GPSM2: variants seen among roughly 807,000 people sequenced by gnomAD.
GPSM2 encodes the protein G protein-signaling modulator 2.
Under a neutral mutation model 78.4 loss-of-function variants are expected in GPSM2, and 58 were observed. The ratio of observed to expected loss-of-function variants is 0.74; its 90% CI spans 0.60 to 0.92. GPSM2 has a LOEUF of 0.92. Among genes scored for constraint, GPSM2 ranks in the 40% least tolerant of loss-of-function variants. The pLI is 0.00. For missense variants in GPSM2, 700 were observed against 815.5 expected, an observed-to-expected ratio of 0.86 and a Z score of 1.73; for synonymous variants, 224 against 280.2, an observed-to-expected ratio of 0.80 and a Z score of 2.00.
chr1:108,906,649 A>AG (rs1649252939), intron 10 of GPSM2, among the ~76,000 whole-genome samples: 1 of 150,976 alleles, frequency 6.6e-6, no homozygotes, highest in Non-Finnish European at 1.5e-5. Flanking sequence ...AGGCTGAGGC[A>AG]GGTGGATCAC....
rs377081328 is a variant in GPSM2 at position 108,928,229 on chromosome 1, T to C, written c.1816-1472T>C. Reference sequence around the variant, plus strand: ...AACAAAAACCAACCTGATTCAAAAATGGGCAAAGAACTGGAAGAGGCATTT... The same window carrying C: ...AACAAAAACCAACCTGATTCAAAAACGGGCAAAGAACTGGAAGAGGCATTT... On this transcript the variant is annotated intron_variant, in intron 14 of 14. Coordinates refer to ENST00000264126, the MANE Select transcript of GPSM2 (RefSeq NM_013296.5). Among the ~76,000 whole-genome samples, 39 of 152,298 alleles carry C rather than the reference T, an allele frequency of 2.6e-4. No homozygotes were observed. In the South Asian group the frequency reaches 8.1e-3, roughly 32 times the overall value.
chr1:108,914,721 C>A (rs938898883), intron 11 of GPSM2, among the ~76,000 whole-genome samples: 1 of 152,124 alleles, frequency 6.6e-6, no homozygotes, highest in Non-Finnish European at 1.5e-5. Context: ...GCTAGAAATA[C>A]TTTATATACC....
At chr1:108,888,099 G>T (rs532782805) in intron 2 of GPSM2, among the ~76,000 whole-genome samples, 1 of 152,326 alleles carries the variant, frequency 6.6e-6, no homozygotes, top group South Asian at 2.1e-4. Context: ...ACCCAGGCTG[G>T]AGTGCAGTGG....
In GPSM2 at chr1:108,922,416, G is replaced by A. The variant is rs747302854; in HGVS notation, c.1441-1G>A. The stretch of plus-strand genomic sequence containing the variant: ...AACTAGACTTCCTCTCAATATTTTA[G>A]AAAATCAGTGCAGATACTATTGGAG... On this transcript the variant is annotated splice_acceptor_variant, in intron 12 of 14. Coordinates refer to ENST00000264126, the MANE Select transcript of GPSM2 (RefSeq NM_013296.5). LOFTEE classifies it high-confidence loss of function. 6.2e-7 allele frequency: 1 copy of A among 1,604,878 alleles called. No homozygotes were observed. Among genetic ancestry groups the A allele is most frequent in the South Asian group, 1.1e-5 (1 of 90,856 alleles).
intron 2 of GPSM2, among the ~76,000 whole-genome samples, chr1:108,886,032 T>G (rs910308948): frequency 9.2e-5 from 14 of 151,990 alleles, no homozygotes; most frequent in Non-Finnish European, 4.4e-5. Flanking sequence ...ATTTCCTTTT[T>G]TTGTATATTT....
At chr1:108,920,238 G>A (rs780828573) in intron 12 of GPSM2, among the ~76,000 whole-genome samples, 5 of 152,162 alleles carry the variant, frequency 3.3e-5, no homozygotes, top group Non-Finnish European at 7.4e-5. Flanking sequence ...GGAGGCCAAG[G>A]CAGGCGGATC....
chr1:108,913,860 T>C (rs1010151369), intron 10 of GPSM2, among the ~76,000 whole-genome samples: 5 of 152,230 alleles, frequency 3.3e-5, no homozygotes, highest in African/African-American at 1.2e-4. Context: ...TGACTGGCAG[T>C]AAGTCTGTCA....
At chr1:108,909,438 GAT>G (rs1231208979) in intron 10 of GPSM2, among the ~76,000 whole-genome samples, 2 of 152,126 alleles carry the variant, frequency 1.3e-5, no homozygotes, top group African/African-American at 2.4e-5. Flanking sequence ...AAATTAATAA[GAT>G]AATATATAAA....
intron 12 of GPSM2, among the ~76,000 whole-genome samples, 168 bp from the exon 13 acceptor site, chr1:108,922,249 A>C (rs1030540833): frequency 2.0e-5 from 3 of 152,204 alleles, no homozygotes; most frequent in African/African-American, 7.2e-5. Context: ...TGTTGGATTA[A>C]AATAACATTT....
intron 1 of GPSM2, 89 bp from the exon 2 acceptor site, chr1:108,885,186 T>C (rs1647434043): frequency 5.0e-6 from 1 of 199,598 alleles, no homozygotes; most frequent in Non-Finnish European, 1.0e-5. Flanking sequence ...TCTGCAGAGT[T>C]AGCTTGTGAT....
At chr1:108,897,324 A>G (rs1413856198) in intron 3 of GPSM2, among the ~76,000 whole-genome samples, 168 bp from the exon 4 acceptor site, 3 of 152,226 alleles carry the variant, frequency 2.0e-5, no homozygotes, top group Non-Finnish European at 4.4e-5. Context: ...CAGAAATGTA[A>G]GTTTTAAATA....
intron 10 of GPSM2, among the ~76,000 whole-genome samples, chr1:108,913,806 A>G (rs1333424296): frequency 1.3e-5 from 2 of 152,226 alleles, no homozygotes; most frequent in African/African-American, 4.8e-5. Flanking sequence ...TCTGTATTTA[A>G]TAACTTTATT....
chr1:108,899,812 CT>C (rs1398681402), intron 7 of GPSM2, among the ~76,000 whole-genome samples: 1 of 152,100 alleles, frequency 6.6e-6, no homozygotes, highest in Non-Finnish European at 1.5e-5. Flanking sequence ...AATTTGTCAT[CT>C]TCATAAAAAA....
chr1:108,931,490 GA>G lies in GPSM2; in HGVS notation c.*1551del. ...CTTGCTTCAGACTGTGCACAGCTGG[GA>G]TGGGATCTGGGGATGTGGACCCCTA... On this transcript the variant is annotated 3_prime_UTR_variant, in exon 15 of 15. Coordinates refer to ENST00000264126, the MANE Select transcript of GPSM2 (RefSeq NM_013296.5). The G allele has an allele frequency of 6.5e-7, 1 of 1,549,998 alleles. No homozygotes were observed. Among genetic ancestry groups the G allele is most frequent in the Non-Finnish European group, 8.7e-7 (1 of 1,146,730 alleles).
chr1:108,917,665 T>TATATATATAA (rs1311153289), intron 11 of GPSM2, among the ~76,000 whole-genome samples: 1 of 110,438 alleles, frequency 9.1e-6, no homozygotes. Context: ...TATATATATA[T>TATATATATAA]AAATGAGTTC....
chr1:108,931,228 G>A lies in GPSM2; in HGVS notation c.*1288G>A, dbSNP rs1359337205. Reference sequence around the variant, plus strand: ...AGGACACATAAACAAACAGAAAACAGATGAAAACTCACAAAAATTAAATAT... The same window carrying A: ...AGGACACATAAACAAACAGAAAACAAATGAAAACTCACAAAAATTAAATAT... On this transcript the variant is annotated 3_prime_UTR_variant, in exon 15 of 15. Transcript: ENST00000264126. 7.4e-7 allele frequency: 1 copy of A among 1,359,736 alleles called. No homozygotes were observed. The highest frequency in any genetic ancestry group is 2.5e-5 in the East Asian group (1 of 39,450). 84.2% of individuals were successfully genotyped at this position (1,359,736 alleles called of 1,614,324 possible).
At chr1:108,917,611 CATATATATATATATATAT>C (rs55909258) in intron 11 of GPSM2, among the ~76,000 whole-genome samples, 283 of 22,700 alleles carry the variant, frequency 0.012, 9 homozygotes, top group Middle Eastern at 0.038. Flanking sequence ...CACACACACA[CATATATATATATATATAT>C]ATATATATAT....
At chr1:108,901,225 C>T (rs566379870) in intron 7 of GPSM2, among the ~76,000 whole-genome samples, 40 of 152,294 alleles carry the variant, frequency 2.6e-4, no homozygotes, top group African/African-American at 5.8e-4. Flanking sequence ...TTAACTGCTA[C>T]GCTAGCTTCT....
chr1:108,889,939 C>A (rs1647851583), intron 2 of GPSM2, among the ~76,000 whole-genome samples: 2 of 152,172 alleles, frequency 1.3e-5, no homozygotes, highest in African/African-American at 4.8e-5. Context: ...CTCTGGTTTC[C>A]TGCATGTCAT....
Sources: gnomAD v4.1 joint callset for allele counts (sites outside exome capture counted in the v4.1 genomes callset) on GRCh38, gnomAD v4.1.1 for gene constraint, MANE v1.5 for transcripts, NCBI Gene and HGNC (gene_info 2026-07-23, HGNC 2026-07-21) for gene names.